L3MBTL4: variants seen among roughly 807,000 people sequenced by gnomAD.
L3MBTL4 encodes the protein lethal(3)malignant brain tumor-like protein 4.
In L3MBTL4, 70 loss-of-function variants were observed where a neutral mutation model predicts 84.5. That is an observed-to-expected ratio of 0.83 (90% CI 0.68 to 1.01). The LOEUF is 1.01. Among genes scored for constraint, L3MBTL4 ranks in the 50% least tolerant of loss-of-function variants. L3MBTL4 has a pLI of 0.00. For synonymous variants in L3MBTL4, 274 were observed against 259.8 expected (o/e 1.05, Z -0.52); for missense variants, 715 against 754.8 (o/e 0.95, Z 0.62).
chr18:6,320,833 C>A (rs2051365157), intron 1 of L3MBTL4, among the ~76,000 whole-genome samples: 1 of 152,120 alleles, frequency 6.6e-6, no homozygotes. Flanking sequence ...CATTACTGAA[C>A]TTCAAATTAT....
intron 3 of L3MBTL4, 138 bp from the exon 4 acceptor site, chr18:6,302,095 G>T: frequency 1.3e-6 from 1 of 769,988 alleles, no homozygotes. Context: ...AATACCCAGA[G>T]TCTTCCGGTG....
intron 12 of L3MBTL4, among the ~76,000 whole-genome samples, chr18:6,198,385 C>A (rs2045501467): frequency 6.6e-6 from 1 of 152,158 alleles, no homozygotes; most frequent in Non-Finnish European, 1.5e-5. Context: ...AAATTCTGTA[C>A]CACTCTCAAT....
chr18:6,228,603 G>A (rs929256457), intron 10 of L3MBTL4, among the ~76,000 whole-genome samples: 1 of 152,042 alleles, frequency 6.6e-6, no homozygotes, highest in Non-Finnish European at 1.5e-5. Flanking sequence ...TTTAACTCAA[G>A]GAGAGCATAT....
chr18:6,073,976 G>A (rs1013858817), intron 16 of L3MBTL4, among the ~76,000 whole-genome samples: 1 of 152,132 alleles, frequency 6.6e-6, no homozygotes, highest in Non-Finnish European at 1.5e-5. Context: ...ATATTCCTAA[G>A]TTAGATTCAC....
At chr18:5,971,534 A>C (rs922450449) in intron 16 of L3MBTL4, among the ~76,000 whole-genome samples, 4 of 152,254 alleles carry the variant, frequency 2.6e-5, no homozygotes, top group Non-Finnish European at 4.4e-5. Context: ...GACACAGTGA[A>C]AGAATCTTAT....
At chr18:5,973,040 T>A (rs1325644612) in intron 16 of L3MBTL4, among the ~76,000 whole-genome samples, 1 of 152,196 alleles carries the variant, frequency 6.6e-6, no homozygotes, top group Non-Finnish European at 1.5e-5. Context: ...GTACATAACG[T>A]GTTCAATACA....
intron 16 of L3MBTL4, among the ~76,000 whole-genome samples, chr18:6,033,132 G>T (rs2055920847): frequency 1.3e-5 from 2 of 151,908 alleles, no homozygotes; most frequent in South Asian, 4.2e-4. Context: ...CATTCTTTCA[G>T]TTTTTGTTTT....
chr18:6,186,977 G>A (rs565817023), intron 12 of L3MBTL4, among the ~76,000 whole-genome samples: 1 of 152,260 alleles, frequency 6.6e-6, no homozygotes, highest in Admixed American at 6.5e-5. Context: ...GTGCTGTCCT[G>A]TGTGATGCTA....
At chr18:5,996,950 G>A (rs1260864500) in intron 16 of L3MBTL4, among the ~76,000 whole-genome samples, 1 of 152,134 alleles carries the variant, frequency 6.6e-6, no homozygotes, top group Non-Finnish European at 1.5e-5. Context: ...GGATTTAAAA[G>A]AGAGGTGGGG....
intron 16 of L3MBTL4, among the ~76,000 whole-genome samples, chr18:5,992,427 C>T (rs1442315521): frequency 2.0e-5 from 3 of 152,140 alleles, no homozygotes; most frequent in Middle Eastern, 3.2e-3. Flanking sequence ...GGGCATGAGG[C>T]TGGAGAGTGA....
At chr18:6,347,823 G>A (rs2052989923) in intron 1 of L3MBTL4, among the ~76,000 whole-genome samples, 1 of 151,626 alleles carries the variant, frequency 6.6e-6, no homozygotes, top group Admixed American at 6.6e-5. Context: ...GTGTAATGAT[G>A]CAAGAAAAAT....
intron 4 of L3MBTL4, 105 bp downstream of exon 4, chr18:6,301,798 T>A (rs920351267): frequency 2.4e-6 from 2 of 842,874 alleles, no homozygotes; most frequent in Non-Finnish European, 4.1e-6. Flanking sequence ...GATATTATTA[T>A]CACATATTTT....
intron 1 of L3MBTL4, among the ~76,000 whole-genome samples, chr18:6,350,097 A>C (rs922931924): frequency 6.6e-6 from 1 of 152,228 alleles, no homozygotes; most frequent in South Asian, 2.1e-4. Flanking sequence ...ACCATATACA[A>C]AAATTAGTTT....
intron 15 of L3MBTL4, among the ~76,000 whole-genome samples, chr18:6,084,050 T>G (rs1030835950): frequency 4.6e-5 from 7 of 152,146 alleles, no homozygotes; most frequent in Non-Finnish European, 1.0e-4. Context: ...TAACATGAAG[T>G]AGGAAATATT....
chr18:6,023,201 C>G (rs138536197), intron 16 of L3MBTL4, among the ~76,000 whole-genome samples: 5 of 152,322 alleles, frequency 3.3e-5, no homozygotes, highest in African/African-American at 9.6e-5. Flanking sequence ...GCTAGACATA[C>G]TGACTTCTGT....
At chr18:6,322,442 G>C (rs12956253) in intron 1 of L3MBTL4, among the ~76,000 whole-genome samples, 12,145 of 146,522 alleles carry the variant, frequency 0.083, 666 homozygotes, top group Non-Finnish European at 0.13. Flanking sequence ...AGGGAGGAAG[G>C]AAAGAAGGAA....
intron 12 of L3MBTL4, among the ~76,000 whole-genome samples, chr18:6,183,946 C>T (rs187082233): frequency 6.6e-6 from 1 of 150,556 alleles, no homozygotes; most frequent in Non-Finnish European, 1.5e-5. Flanking sequence ...CAAAATTTCC[C>T]CTAATAGAAA....
chr18:6,227,748 T>G (rs933355335), intron 10 of L3MBTL4, among the ~76,000 whole-genome samples: 31 of 152,110 alleles, frequency 2.0e-4, no homozygotes, highest in Admixed American at 1.9e-3. Flanking sequence ...CATAACTCAC[T>G]CCAGCCTAGA....
chr18:6,411,791 G>C (rs1281340928), intron 1 of L3MBTL4, among the ~76,000 whole-genome samples: 1 of 152,130 alleles, frequency 6.6e-6, no homozygotes, highest in Non-Finnish European at 1.5e-5. Flanking sequence ...CAACATCAGA[G>C]TTTCTCTCTC....
Sources: gnomAD v4.1 joint callset for allele counts (sites outside exome capture counted in the v4.1 genomes callset) on GRCh38, gnomAD v4.1.1 for gene constraint, MANE v1.5 for transcripts, NCBI Gene and HGNC (gene_info 2026-07-23, HGNC 2026-07-21) for gene names.